Variants in CLEC4F observed in about 807,000 individuals in gnomAD.
The protein encoded by CLEC4F is C-type (calcium dependent, carbohydrate-recognition domain) lectin, superfamily member 13.
Under a neutral mutation model 53.4 loss-of-function variants are expected in CLEC4F, and 45 were observed. The observed-to-expected ratio is 0.84, with a 90% CI of 0.66 to 1.08. The LOEUF is 1.08. Among genes scored for constraint, CLEC4F ranks in the 50% least tolerant of loss-of-function variants. The pLI, the probability that CLEC4F is intolerant of heterozygous loss-of-function variation, is 0.00. For missense variants in CLEC4F, 753 were observed against 698.2 expected (o/e 1.08, Z -0.88); for synonymous variants, 245 against 257.5 (o/e 0.95, Z 0.46).
chr2:70,809,772 T>C lies in CLEC4F; in HGVS notation c.1625A>G (p.Asp542Gly). Residue 542 changes from aspartate to glycine, a missense_variant, in exon 6 of 7, where the codon GAT (aspartate) becomes GGT (glycine). By Grantham distance (94) the Asp-to-Gly change is moderately conservative. Coordinates refer to ENST00000272367, the MANE Select transcript of CLEC4F (RefSeq NM_173535.3). ...CTGGGCGGCGTTGAATGGTGTCCCATCTGTCCAGCGCCAGGAGCCCTCTGT... is the reference window on the plus strand; with the variant it reads ...CTGGGCGGCGTTGAATGGTGTCCCACCTGTCCAGCGCCAGGAGCCCTCTGT... ...RGTEGSWRWT[D>G]GTPFNAAQNK... 6.2e-7 allele frequency: 1 copy of C among 1,614,102 alleles called. No homozygotes were observed. The highest frequency in any genetic ancestry group is 1.7e-4 in the Middle Eastern group (1 of 6,058).
At chr2:70,815,887 G>T in intron 4 of CLEC4F, 107 bp downstream of exon 4, 1 of 1,216,724 alleles carries the variant, frequency 8.2e-7, no homozygotes, top group Non-Finnish European at 1.2e-6. Flanking sequence ...CCCTGGATTT[G>T]GTCAAGGAGA....
chr2:70,815,993 CT>C lies in CLEC4F; in HGVS notation c.1387del (p.Ser463ValfsTer55). 6.2e-7 allele frequency: 1 copy of C among 1,611,158 alleles called. No homozygotes were observed. The highest frequency in any genetic ancestry group is 8.5e-7 in the Non-Finnish European group (1 of 1,178,062). Reference sequence around the variant, plus strand: ...AAACGCGACTCCCCTCTCCCACTTACTTTGGGTTCTTTGTAGCTGTTCCTGT... The same window carrying C: ...AAACGCGACTCCCCTCTCCCACTTACTTGGGTTCTTTGTAGCTGTTCCTGT... ...TSQEQLQRTQSQLLQMVLQGW... is the reference protein window; with the variant it reads ...TSQEQLQRTQXQLLQMVLQGW... On this transcript the variant is annotated frameshift_variant and splice_region_variant, in exon 4 of 7. Coordinates refer to ENST00000272367, the MANE Select transcript of CLEC4F (RefSeq NM_173535.3). LOFTEE classifies it high-confidence loss of function.
Position 70,809,377 on chromosome 2 carries a change from C to T in CLEC4F, c.1664G>A (p.Gly555Asp), listed in dbSNP as rs147996012. The change falls in exon 7 of 7, where the codon GGT (glycine) becomes GAT (aspartate). Residue 555 changes from glycine (G) to aspartate (D), a missense_variant. Gly to Asp is a moderately conservative substitution (Grantham distance 94). Transcript: ENST00000272367. ...PFNAAQNKAP[G>D]SKGSCPLRKY... The stretch of plus-strand genomic sequence containing the variant: ...TCTGAGTGGGCAGGATCCCTTGGAA[C>T]CAGGCCTGAGTAGGGCAGGGGGAAA... 4.1e-5 allele frequency: 66 copies of T among 1,609,158 alleles called. No individual in the cohort carries two copies. In the African/African-American group the frequency reaches 8.0e-4, roughly 20 times the overall value.
intron 3 of CLEC4F, among the ~76,000 whole-genome samples, chr2:70,818,236 A>G (rs533461741): frequency 2.0e-5 from 3 of 152,306 alleles, no homozygotes; most frequent in African/African-American, 7.2e-5. Context: ...AGACAAACAA[A>G]TCAATGCGAC....
rs782495976 is a variant in CLEC4F at position 70,816,751 on chromosome 2, A to C, written c.630T>G (p.Ile210Met). The C allele has an allele frequency of 6.2e-7, 1 of 1,614,168 alleles. No individual in the cohort carries two copies. The change falls in exon 4 of 7, where the codon ATT (isoleucine) becomes ATG (methionine). Residue 210 changes from isoleucine to methionine, a missense_variant. Physicochemically the swap from Ile to Met is conservative, Grantham distance 10. Coordinates refer to ENST00000272367, the MANE Select transcript of CLEC4F (RefSeq NM_173535.3). ...FLKSSLENTSIELHVLSRGLE... is the reference protein window; with the variant it reads ...FLKSSLENTSMELHVLSRGLE... ...AGCCTCTGCTTAGCACGTGGAGCTC[A>C]ATGCTGGTGTTTTCTAAACTGCTTT... is the stretch of plus-strand genomic sequence containing the variant.
intron 5 of CLEC4F, chr2:70,811,354 G>A (rs781867842): frequency 5.4e-5 from 49 of 909,066 alleles, no homozygotes; most frequent in Non-Finnish European, 7.5e-5. Flanking sequence ...TGAATAGACT[G>A]TTGAGCAGCT....
Position 70,816,095 on chromosome 2 carries a change from T to G in CLEC4F, c.1286A>C (p.Glu429Ala), listed in dbSNP as rs1553395715. The G allele has an allele frequency of 6.2e-7, 1 of 1,614,230 alleles. No individual in the cohort carries two copies. ...TTCCATGGTTAGAGCTTTGGTGTTC[T>G]CTAGATCCCCTCTTAACCTCTGGAT... ...AEIQRLRGDLENTKALTMEIQ... is the reference protein window; with the variant it reads ...AEIQRLRGDLANTKALTMEIQ... The change falls in exon 4 of 7, where the codon GAG becomes GCG. Residue 429 changes from glutamate (E) to alanine (A), a missense_variant. Transcript: ENST00000272367.
At chr2:70,823,760 G>A (rs1677283305), upstream of CLEC4F, among the ~76,000 whole-genome samples, 1 of 152,172 alleles carries the variant, frequency 6.6e-6, no homozygotes, top group East Asian at 1.9e-4. Context: ...CAGGCACGGT[G>A]GCTCATGCCT....
intron 2 of CLEC4F, 138 bp from the exon 3 acceptor site, chr2:70,819,582 A>C: frequency 1.1e-6 from 1 of 903,874 alleles, no homozygotes; most frequent in Non-Finnish European, 1.8e-6. Flanking sequence ...CATGAACCTC[A>C]GTTCTTGGGA....
intron 3 of CLEC4F, among the ~76,000 whole-genome samples, chr2:70,818,991 C>A (rs1553397128): frequency 2.0e-5 from 3 of 151,908 alleles, no homozygotes; most frequent in African/African-American, 7.3e-5. Context: ...CTAGAAAAAG[C>A]AAACTAATCT....
At position 70,816,569 on chromosome 2, in the gene CLEC4F, T is replaced by C. The variant is rs1001931433; in HGVS notation, c.812A>G (p.Asn271Ser). ...LDSVNDLRTQNQVLRNSLEGA... is the reference protein window; with the variant it reads ...LDSVNDLRTQSQVLRNSLEGA... ...TTCCAAACTATTTCTTAAAACCTGG[T>C]TCTGGGTCCTCAAGTCATTGACACT... The change falls in exon 4 of 7, where the codon AAC becomes AGC. Residue 271 changes from asparagine to serine, a missense_variant. Asn to Ser is a conservative substitution (Grantham distance 46). Transcript: ENST00000272367. 4 of 1,613,904 alleles carry C rather than the reference T, an allele frequency of 2.5e-6. No individual in the cohort carries two copies. In the East Asian group the frequency reaches 6.7e-5, roughly 27 times the overall value.
intron 5 of CLEC4F, chr2:70,810,699 G>A: frequency 8.1e-6 from 2 of 247,114 alleles, no homozygotes; most frequent in Non-Finnish European, 1.6e-5. Flanking sequence ...AAACAAAGAA[G>A]CTATAATATG....
At chr2:70,824,350 A>C (rs989583919), upstream of CLEC4F, among the ~76,000 whole-genome samples, 3 of 152,002 alleles carry the variant, frequency 2.0e-5, no homozygotes, top group Non-Finnish European at 4.4e-5. Flanking sequence ...CCCCCTCTCA[A>C]GTCCTGTCAC....
chr2:70,814,043 C>T (rs1676761542), intron 4 of CLEC4F, among the ~76,000 whole-genome samples: 1 of 152,122 alleles, frequency 6.6e-6, no homozygotes, highest in Non-Finnish European at 1.5e-5. Flanking sequence ...GAGAGCACCC[C>T]AGGCAGGGAA....
At chr2:70,819,914 C>A in intron 1 of CLEC4F, 23 bp from the exon 2 acceptor site, 2 of 1,503,576 alleles carry the variant, frequency 1.3e-6, no homozygotes, top group Non-Finnish European at 1.8e-6. Flanking sequence ...AGGCAGTGTC[C>A]AAGGTGAGAG....
chr2:70,816,759 T>C lies in CLEC4F; in HGVS notation c.622A>G (p.Thr208Ala), dbSNP rs1676939252. 1 of 1,614,208 alleles carries C rather than the reference T, an allele frequency of 6.2e-7. No individual in the cohort carries two copies. The highest frequency in any genetic ancestry group is 1.1e-5 in the South Asian group (1 of 91,088). Reference protein sequence around the residue: ...LNFLKSSLENTSIELHVLSRG... With the variant: ...LNFLKSSLENASIELHVLSRG... ...CTTAGCACGTGGAGCTCAATGCTGGTGTTTTCTAAACTGCTTTTTAAGAAA... is the reference window on the plus strand; with the variant it reads ...CTTAGCACGTGGAGCTCAATGCTGGCGTTTTCTAAACTGCTTTTTAAGAAA... The change falls in exon 4 of 7, where the codon ACC (threonine) becomes GCC (alanine). Residue 208 changes from threonine to alanine, a missense_variant. By Grantham distance (58) the Thr-to-Ala change is moderately conservative. Transcript: ENST00000272367.
rs1553393375 is a variant in CLEC4F, at chr2:70,809,071, TCCCAAAACCCGAAGACAA to T, written c.*182_*199del. The T allele has an allele frequency of 1.3e-6, 2 of 1,544,020 alleles. No homozygotes were observed. The highest frequency in any genetic ancestry group is 3.9e-5 in the Admixed American group (2 of 51,002). The stretch of plus-strand genomic sequence containing the variant: ...CCGCCAGTTGTCAGACTGATTCTTT[TCCCAAAACCCGAAGACAA>T]CAGGGCTTTATACTGTTAGATGAAG... On this transcript the variant is annotated 3_prime_UTR_variant, in exon 7 of 7. Coordinates refer to ENST00000272367, the MANE Select transcript of CLEC4F (RefSeq NM_173535.3).
chr2:70,817,158 A>G (rs781797565), intron 3 of CLEC4F, 46 bp from the exon 4 acceptor site: 73 of 1,564,398 alleles, frequency 4.7e-5, no homozygotes, highest in Non-Finnish European at 5.8e-5. Context: ...CCCATTATGT[A>G]GGGTAGCATT....
chr2:70,818,165 G>A (rs113933891), intron 3 of CLEC4F, among the ~76,000 whole-genome samples: 141 of 152,308 alleles, frequency 9.3e-4, no homozygotes, highest in African/African-American at 3.3e-3. Context: ...CTGTGCTAAG[G>A]TAAGAGAGGG....
Sources: allele counts gnomAD v4.1 joint callset (sites outside exome capture counted in the v4.1 genomes callset), GRCh38; gene constraint gnomAD v4.1.1; transcripts MANE v1.5; gene names NCBI Gene and HGNC (gene_info 2026-07-23, HGNC 2026-07-21).